The following ECHDC3 variants were observed in gnomAD, a reference collection of about 807,000 sequenced individuals.
ECHDC3 encodes the protein enoyl-CoA hydratase domain containing 3, also known as enoyl-CoA hydratase domain-containing protein 3, mitochondrial.
Under a neutral mutation model 17.9 loss-of-function variants are expected in ECHDC3, and 20 were observed. That is an observed-to-expected ratio of 1.12 (90% CI 0.79 to 1.63). The LOEUF is 1.63. Among genes scored for constraint, ECHDC3 ranks in the 40% most tolerant of loss-of-function variants. ECHDC3 has a pLI of 0.00. For missense variants in ECHDC3, 407 were observed against 357.7 expected, an observed-to-expected ratio of 1.14 and a Z score of -1.11; for synonymous variants, 177 against 149.7, an observed-to-expected ratio of 1.18 and a Z score of -1.33.
At chr10:11,753,775 T>TTATTTG (rs1375018367) in intron 3 of ECHDC3, among the ~76,000 whole-genome samples, 1 of 151,564 alleles carries the variant, frequency 6.6e-6, no homozygotes, top group Non-Finnish European at 1.5e-5. Context: ...CTTCTTCTTT[T>TTATTTG]TATTTTTATT....
intron 4 of ECHDC3, among the ~76,000 whole-genome samples, chr10:11,762,068 G>GA (rs35023737): frequency 0.03 from 4,392 of 145,960 alleles, 216 homozygotes; most frequent in African/African-American, 0.1. Context: ...CCCCATCTTG[G>GA]AAAAAAAAAA....
At chr10:11,754,780 C>T (rs1280484451) in intron 3 of ECHDC3, among the ~76,000 whole-genome samples, 1 of 152,242 alleles carries the variant, frequency 6.6e-6, no homozygotes, top group Non-Finnish European at 1.5e-5. Flanking sequence ...AGGCGGGGGT[C>T]TGTCACTACT....
intron 3 of ECHDC3, among the ~76,000 whole-genome samples, chr10:11,753,375 T>G (rs1471953519): frequency 1.3e-5 from 2 of 152,058 alleles, no homozygotes; most frequent in South Asian, 2.1e-4. Flanking sequence ...AGAGCAAGTC[T>G]GTTTCAAAAA....
At position 11,742,534 on chromosome 10, in the gene ECHDC3, G is replaced by C. The variant is rs1260475204; in HGVS notation, c.-43G>C. ...TCGGAGCGCCCAGCACCTGCGGCCGGCCAGGCAGCGCGATCCTGCGGCGTC... is the reference window on the plus strand; with the variant it reads ...TCGGAGCGCCCAGCACCTGCGGCCGCCCAGGCAGCGCGATCCTGCGGCGTC... On this transcript the variant is annotated 5_prime_UTR_variant, in exon 1 of 5. Transcript: ENST00000379215. 7 of 1,255,586 alleles carry C rather than the reference G, an allele frequency of 5.6e-6. No individual in the cohort carries two copies. The East Asian group carries it at 1.6e-4, about 29-fold the overall frequency. The allele number at this position is 1,255,586 out of a possible 1,614,324, so 77.8% of individuals were successfully genotyped here.
rs1176208938 is a variant in ECHDC3 at position 11,742,759 on chromosome 10, C to T, written c.170+13C>T. ...TGGACGGCATAAGGTCAGCCCCGGG[C>T]CGCGCGGGCTCCTCGCGTTGGTGCC... On this transcript the variant is annotated intron_variant, in intron 1 of 4. Transcript: ENST00000379215. 19 of 1,225,754 alleles carry T rather than the reference C, an allele frequency of 1.6e-5. No individual in the cohort carries two copies. In the Middle Eastern group the frequency reaches 1.3e-3, roughly 81 times the overall value. 75.9% of individuals were successfully genotyped at this position (1,225,754 alleles called of 1,614,324 possible).
chr10:11,755,316 ACT>A, intron 3 of ECHDC3, 90 bp from the exon 4 acceptor site: 13 of 1,120,638 alleles, frequency 1.2e-5, no homozygotes, highest in Non-Finnish European at 6.1e-6. Flanking sequence ...ACAGAGTGAG[ACT>A]CTGTCAAAAA....
chr10:11,744,170 A>G (rs1257339373), intron 1 of ECHDC3, among the ~76,000 whole-genome samples: 1 of 152,144 alleles, frequency 6.6e-6, no homozygotes, highest in African/African-American at 2.4e-5. Context: ...AAAGTGGATA[A>G]TTTTATGCCC....
At position 11,742,524 on chromosome 10, in the gene ECHDC3, C is replaced by T. The variant is rs1487741151; in HGVS notation, c.-53C>T. On this transcript the variant is annotated 5_prime_UTR_variant, in exon 1 of 5. Transcript: ENST00000379215. ...AGCAGCGCCCTCGGAGCGCCCAGCA[C>T]CTGCGGCCGGCCAGGCAGCGCGATC... 1.4e-5 allele frequency: 17 copies of T among 1,254,586 alleles called. No homozygotes were observed. Among genetic ancestry groups the T allele is most frequent in the Non-Finnish European group, 1.7e-5 (17 of 999,412 alleles). 77.7% of individuals were successfully genotyped at this position (1,254,586 alleles called of 1,614,324 possible).
chr10:11,746,114 G>A (rs7893406), intron 1 of ECHDC3, among the ~76,000 whole-genome samples: 141,963 of 152,122 alleles, frequency 0.93, 67,088 homozygotes, highest in East Asian at 1. Context: ...TATCACCTGT[G>A]GTCAAGAATT....
chr10:11,746,876 A>G (rs1832767089), intron 1 of ECHDC3, among the ~76,000 whole-genome samples: 1 of 152,160 alleles, frequency 6.6e-6, no homozygotes, highest in Non-Finnish European at 1.5e-5. Context: ...TGGAGGTTGC[A>G]GTGAGCCGAG....
chr10:11,755,669 T>G (rs553129379), intron 4 of ECHDC3, 61 bp downstream of exon 4: 1 of 1,454,640 alleles, frequency 6.9e-7, no homozygotes, highest in East Asian at 2.4e-5. Context: ...CCTCCTCCAG[T>G]GCATGCGATG....
intron 2 of ECHDC3, among the ~76,000 whole-genome samples, chr10:11,748,855 C>T (rs1380324707): frequency 1.3e-5 from 2 of 152,212 alleles, no homozygotes; most frequent in Non-Finnish European, 2.9e-5. Context: ...CACTGCACTC[C>T]AGCCTGGGCA....
At position 11,747,352 on chromosome 10, in the gene ECHDC3, C is replaced by T. The variant is rs1169860586; in HGVS notation, c.174C>T (p.Asn58=). 1 of 1,613,600 alleles carries T rather than the reference C, an allele frequency of 6.2e-7. No individual in the cohort carries two copies. The highest frequency in any genetic ancestry group is 1.3e-5 in the African/African-American group (1 of 74,920). ...GATTGTAAAATGTTCTTCACAGGAA[C>T]ATCGTCTTGAGCAATCCCAAGAAGA... ...TSARQLDGIR[N]IVLSNPKKRN... is the part of the protein sequence containing the mutation. Residue 58 remains asparagine (N), a synonymous_variant, in exon 2 of 5, where the codon AAC becomes AAT. Coordinates refer to ENST00000379215, the MANE Select transcript of ECHDC3 (RefSeq NM_024693.5).
At chr10:11,750,947 G>C (rs4750094) in intron 3 of ECHDC3, among the ~76,000 whole-genome samples, 141,885 of 152,016 alleles carry the variant, frequency 0.93, 67,055 homozygotes, top group East Asian at 1. Flanking sequence ...TTATATTTTT[G>C]TCACTACATG....
intron 3 of ECHDC3, among the ~76,000 whole-genome samples, chr10:11,750,689 A>G (rs1832813486): frequency 6.6e-6 from 1 of 152,264 alleles, no homozygotes. Flanking sequence ...GTTTTCTGCC[A>G]AACTGAAACT....
At chr10:11,758,088 T>TG (rs1447340154) in intron 4 of ECHDC3, among the ~76,000 whole-genome samples, 1 of 152,174 alleles carries the variant, frequency 6.6e-6, no homozygotes, top group Non-Finnish European at 1.5e-5. Context: ...ACAACATGTA[T>TG]GGGTCACTAG....
rs766540789 is a variant in ECHDC3 at position 11,749,540 on chromosome 10, C to G, written c.338C>G (p.Thr113Arg). The G allele has an allele frequency of 6.2e-7, 1 of 1,614,146 alleles. No homozygotes were observed. Among genetic ancestry groups the G allele is most frequent in the South Asian group, 1.1e-5 (1 of 91,078 alleles). The change falls in exon 3 of 5, where the codon ACA becomes AGA. Residue 113 changes from threonine to arginine, a missense_variant. Transcript: ENST00000379215. ...FSSGHDLKEL[T>R]EEQGRDYHAE... ...TCTGGGCATGACTTAAAGGAGCTGA[C>G]AGAGGAGCAAGGCCGTGATTACCAT...
At chr10:11,762,858 C>T (rs1440952796) in intron 4 of ECHDC3, among the ~76,000 whole-genome samples, 4 of 151,982 alleles carry the variant, frequency 2.6e-5, no homozygotes, top group African/African-American at 9.7e-5. Context: ...TACTGGAACC[C>T]CCACTCCCCG....
chr10:11,751,076 T>C (rs1832818368), intron 3 of ECHDC3, among the ~76,000 whole-genome samples: 1 of 152,242 alleles, frequency 6.6e-6, no homozygotes, highest in African/African-American at 2.4e-5. Context: ...CATTCCACTC[T>C]TGGGTTTGCC....
Sources: allele counts gnomAD v4.1 joint callset (sites outside exome capture counted in the v4.1 genomes callset), GRCh38; gene constraint gnomAD v4.1.1; transcripts MANE v1.5; gene names NCBI Gene and HGNC (gene_info 2026-07-23, HGNC 2026-07-21).